PVT1: variants seen among roughly 807,000 people sequenced by gnomAD.
PVT1 encodes the protein CXCR4/PVT1 fusion.
At chr8:127,812,325 T>C (rs1814607445) in intron 2 of PVT1, among the ~76,000 whole-genome samples, 1 of 144,914 alleles carries the variant, frequency 6.9e-6, no homozygotes, top group East Asian at 2.1e-4. Context: ...CTCTTGCCTG[T>C]TGTAGTCCTG....
rs536472767 is a variant in PVT1, at chr8:127,948,299, G to A, written n.783-40863G>A. ...CTTGTGCCCATGGTAGGTCCAGGGC[G>A]TTTGGGGGAAGGAGACCGACTCTAG... On this transcript the variant is annotated intron_variant and non_coding_transcript_variant, in intron 3 of 10. Coordinates refer to ENST00000651587, the Ensembl canonical transcript of PVT1. 29 of 201,972 alleles carry A rather than the reference G, an allele frequency of 1.4e-4. No homozygotes were observed. In the South Asian group the frequency reaches 1.8e-3, roughly 12 times the overall value. The allele number at this position is 201,972 out of a possible 1,614,324, so 12.5% of individuals were successfully genotyped here.
At chr8:128,039,145 C>T (rs765238089) in intron 4 of PVT1, among the ~76,000 whole-genome samples, 1 of 152,302 alleles carries the variant, frequency 6.6e-6, no homozygotes, top group East Asian at 1.9e-4. Context: ...TGCCTTGGTT[C>T]CCTGTGAGTC....
intron 4 of PVT1, among the ~76,000 whole-genome samples, chr8:128,043,851 A>T (rs575699034): frequency 1.9e-3 from 236 of 123,896 alleles, no homozygotes; most frequent in African/African-American, 7.4e-3. Flanking sequence ...TTTTTTTTTT[A>T]AAGACAGGGT....
intron 3 of PVT1, among the ~76,000 whole-genome samples, chr8:127,930,924 T>A (rs1379948994): frequency 1.3e-5 from 2 of 152,174 alleles, no homozygotes; most frequent in Non-Finnish European, 2.9e-5. Flanking sequence ...TTGTTGCTGT[T>A]GTTTTTGAGA....
At chr8:127,830,643 CG>C (rs1814838699) in intron 2 of PVT1, among the ~76,000 whole-genome samples, 1 of 151,590 alleles carries the variant, frequency 6.6e-6, no homozygotes, top group Admixed American at 6.6e-5. Flanking sequence ...TAGCACGTTG[CG>C]GGGCTGTGAT....
At chr8:127,963,602 C>T (rs1001979412) in intron 3 of PVT1, among the ~76,000 whole-genome samples, 2 of 151,982 alleles carry the variant, frequency 1.3e-5, no homozygotes, top group Admixed American at 1.3e-4. Flanking sequence ...GAAGCAGCAG[C>T]ATTTACAAAT....
At chr8:127,840,686 C>T (rs1814963195) in intron 2 of PVT1, among the ~76,000 whole-genome samples, 1 of 152,216 alleles carries the variant, frequency 6.6e-6, no homozygotes, top group African/African-American at 2.4e-5. Context: ...GCTGTGCTTC[C>T]GCAGAGCTGG....
intron 4 of PVT1, chr8:128,070,139 T>A (rs1195412532): frequency 6.6e-6 from 1 of 152,218 alleles, no homozygotes; most frequent in Non-Finnish European, 1.5e-5. Context: ...GTTCTTTTGC[T>A]TACTCAACAC....
At chr8:127,950,439 G>A (rs1194723972) in intron 3 of PVT1, among the ~76,000 whole-genome samples, 2 of 152,212 alleles carry the variant, frequency 1.3e-5, no homozygotes, top group African/African-American at 4.8e-5. Flanking sequence ...GGTGAGGCTG[G>A]TCCTGCTTCA....
intron 4 of PVT1, among the ~76,000 whole-genome samples, chr8:128,035,583 A>C (rs1481591535): frequency 1.3e-5 from 2 of 152,214 alleles, no homozygotes; most frequent in East Asian, 3.8e-4. Context: ...GCTGGACAGC[A>C]GCCCCCCAAG....
chr8:128,096,451 G>A (rs2302793), intron 5 of PVT1: 57,995 of 151,994 alleles, frequency 0.38, 13,522 homozygotes, highest in Non-Finnish European at 0.53. Context: ...TGAGCAATGC[G>A]AGTGGGCCAC....
chr8:128,048,912 T>C (rs1813652195), intron 4 of PVT1, among the ~76,000 whole-genome samples: 1 of 152,220 alleles, frequency 6.6e-6, no homozygotes, highest in Non-Finnish European at 1.5e-5. Flanking sequence ...AGGTTATAAT[T>C]TGGCTCTTAC....
intron 4 of PVT1, among the ~76,000 whole-genome samples, chr8:128,017,950 C>T (rs929768392): frequency 2.6e-5 from 4 of 152,192 alleles, no homozygotes; most frequent in African/African-American, 4.8e-5. Flanking sequence ...TACCCTCCTG[C>T]GCCCTGGGAG....
intron 3 of PVT1, among the ~76,000 whole-genome samples, chr8:127,975,707 C>T (rs1816816337): frequency 6.6e-6 from 1 of 152,166 alleles, no homozygotes; most frequent in South Asian, 2.1e-4. Context: ...CAGTTGTCCC[C>T]CTAGATTTGT....
intron 3 of PVT1, among the ~76,000 whole-genome samples, chr8:127,935,881 A>T (rs542843181): frequency 6.6e-6 from 1 of 152,032 alleles, no homozygotes. Context: ...AGCTGGAGTA[A>T]CTGGTAGCTT....
intron 2 of PVT1, among the ~76,000 whole-genome samples, chr8:127,860,723 C>A (rs1405979294): frequency 6.6e-6 from 1 of 150,530 alleles, no homozygotes; most frequent in Non-Finnish European, 1.5e-5. Context: ...CGAGATCACG[C>A]CACTGCACTC....
At chr8:128,012,735 G>C (rs764064754) in intron 4 of PVT1, among the ~76,000 whole-genome samples, 1 of 152,152 alleles carries the variant, frequency 6.6e-6, no homozygotes, top group Non-Finnish European at 1.5e-5. Context: ...CCAGAGTCCT[G>C]TTTTGTACCT....
chr8:127,831,895 T>A (rs1050179535), intron 2 of PVT1, among the ~76,000 whole-genome samples: 1 of 152,238 alleles, frequency 6.6e-6, no homozygotes, highest in Non-Finnish European at 1.5e-5. Context: ...TCTCTCTTCA[T>A]TGCCTTTTGC....
At chr8:128,065,405 T>C (rs1025662323) in intron 4 of PVT1, among the ~76,000 whole-genome samples, 1 of 152,138 alleles carries the variant, frequency 6.6e-6, no homozygotes, top group Non-Finnish European at 1.5e-5. Flanking sequence ...AGGCTGGTCT[T>C]GAACTCCTGA....
Sources: allele counts gnomAD v4.1 joint callset (sites outside exome capture counted in the v4.1 genomes callset), GRCh38; gene constraint gnomAD v4.1.1; transcripts MANE v1.5; gene names NCBI Gene and HGNC (gene_info 2026-07-23, HGNC 2026-07-21).